DNAH8: variants seen among roughly 807,000 people sequenced by gnomAD.
DNAH8 encodes the protein dynein axonemal heavy chain 8.
A neutral mutation model predicts 562.1 loss-of-function variants in DNAH8; 382 were observed. The ratio of observed to expected loss-of-function variants is 0.68; its 90% confidence interval spans 0.63 to 0.74. DNAH8 has a LOEUF of 0.74. Ranked by LOEUF, DNAH8 falls within the 30% of genes least tolerant of loss-of-function variation. The pLI, the probability that DNAH8 is intolerant of heterozygous loss-of-function variation, is 0.00. For missense variants in DNAH8, 5,203 were observed against 5,620.4 expected (o/e 0.93, Z 2.37); for synonymous variants, 1,881 against 1,919.4 (o/e 0.98, Z 0.52).
intron 21 of DNAH8, among the ~76,000 whole-genome samples, chr6:38,796,656 C>T (rs906581330): frequency 6.6e-6 from 1 of 152,158 alleles, no homozygotes; most frequent in Admixed American, 6.5e-5. Context: ...TGTTCTGTTT[C>T]GTTCTGATTA....
chr6:39,012,117 C>A, intron 89 of DNAH8, 98 bp from the exon 90 acceptor site: 2 of 861,982 alleles, frequency 2.3e-6, no homozygotes, highest in Non-Finnish European at 3.5e-6. Context: ...GGTAGAGATA[C>A]ATCTAGAGGA....
intron 3 of DNAH8, 59 bp downstream of exon 3, chr6:38,723,530 GA>G: frequency 6.5e-7 from 1 of 1,541,920 alleles, no homozygotes; most frequent in Non-Finnish European, 8.7e-7. Context: ...ATTAACTTAA[GA>G]AAATAGAGTT....
chr6:39,011,580 C>T (rs1442101923), intron 89 of DNAH8, among the ~76,000 whole-genome samples: 1 of 152,210 alleles, frequency 6.6e-6, no homozygotes, highest in East Asian at 1.9e-4. Context: ...ATTGTTCCCA[C>T]AACCAGAGGC....
chr6:38,924,143 T>G lies in DNAH8; in HGVS notation c.10943T>G (p.Met3648Arg), dbSNP rs201019340. Reference sequence around the variant, plus strand: ...ACAGAAAACCTGAATCTTATTTCAATGTTGGTGGATCCTCCAACTGTAAGT... The same window carrying G: ...ACAGAAAACCTGAATCTTATTTCAAGGTTGGTGGATCCTCCAACTGTAAGT... ...PFTENLNLISMLVDPPTIGEW... is the reference protein window; with the variant it reads ...PFTENLNLISRLVDPPTIGEW... Residue 3648 changes from methionine (M) to arginine (R), a missense_variant, in exon 73 of 93, where the codon ATG (methionine) becomes AGG (arginine). This residue lies in a region of DNAH8 where 1,399 missense variants were observed against 1,518.4 expected (regional missense o/e 0.92). Transcript: ENST00000327475. 5 of 1,613,886 alleles carry G rather than the reference T, an allele frequency of 3.1e-6. No individual in the cohort carries two copies. The highest frequency in any genetic ancestry group is 4.2e-6 in the Non-Finnish European group (5 of 1,179,846).
intron 80 of DNAH8, among the ~76,000 whole-genome samples, chr6:38,948,842 T>A (rs932946640): frequency 2.6e-5 from 4 of 152,208 alleles, no homozygotes; most frequent in African/African-American, 7.2e-5. Context: ...GAGAGACTCC[T>A]TTCGTTATTA....
chr6:38,894,926 T>C (rs1234654988), intron 59 of DNAH8, 62 bp downstream of exon 59: 18 of 1,436,478 alleles, frequency 1.3e-5, no homozygotes, highest in Non-Finnish European at 1.5e-5. Context: ...ACTTGGTTAA[T>C]TTTTTTTATT....
intron 4 of DNAH8, among the ~76,000 whole-genome samples, chr6:38,731,098 C>A (rs1284986866): frequency 2.0e-5 from 3 of 152,130 alleles, no homozygotes. Flanking sequence ...TATGTAAACT[C>A]GCAAATAGTG....
At chr6:38,788,793 A>G (rs1769428270) in intron 18 of DNAH8, among the ~76,000 whole-genome samples, 1 of 152,112 alleles carries the variant, frequency 6.6e-6, no homozygotes, top group Admixed American at 6.6e-5. Context: ...CTGAAGTCCA[A>G]TTTATCTACT....
intron 87 of DNAH8, among the ~76,000 whole-genome samples, chr6:38,988,295 G>A (rs1299843708): frequency 6.6e-6 from 1 of 152,158 alleles, no homozygotes; most frequent in Non-Finnish European, 1.5e-5. Context: ...CCCCCAAATA[G>A]CCTCCAAATT....
At chr6:38,887,833 C>CTTTT (rs538279493) in intron 57 of DNAH8, among the ~76,000 whole-genome samples, 3 of 120,868 alleles carry the variant, frequency 2.5e-5, no homozygotes, top group African/African-American at 6.1e-5. Context: ...AAAGGGCAGA[C>CTTTT]TTTTTTTTTT....
rs547887487 is a variant in DNAH8 at position 38,838,090 on chromosome 6, A to G, written c.4466+48A>G. ...TATTACATGCAAATAATTAAATACT[A>G]TCTATTAGAAGAATCATGTCACCAT... is the stretch of plus-strand genomic sequence containing the variant. On this transcript the variant is annotated intron_variant, in intron 33 of 92. Coordinates refer to ENST00000327475, the MANE Select transcript of DNAH8 (RefSeq NM_001206927.2). The G allele has an allele frequency of 1.1e-4, 126 of 1,179,430 alleles. No homozygotes were observed. The South Asian group carries it at 1.5e-3, about 14-fold the overall frequency. 73.1% of individuals were successfully genotyped at this position (1,179,430 alleles called of 1,614,324 possible). A position where few individuals can be genotyped will look rare whatever the true frequency, so the allele number is the denominator to read the frequency against.
chr6:38,831,430 C>CAAAAAA (rs67322321), intron 30 of DNAH8, among the ~76,000 whole-genome samples: 221 of 88,864 alleles, frequency 2.5e-3, no homozygotes, highest in Non-Finnish European at 2.8e-3. Context: ...GACACCATCT[C>CAAAAAA]AAAAAAAAAA....
At chr6:38,755,795 T>A (rs1043517941) in intron 9 of DNAH8, among the ~76,000 whole-genome samples, 177 bp from the exon 10 acceptor site, 3 of 152,202 alleles carry the variant, frequency 2.0e-5, no homozygotes, top group African/African-American at 7.2e-5. Flanking sequence ...AAAACTAATG[T>A]CCTGTTATCT....
chr6:38,958,646 CAAAAA>C (rs35382684), intron 82 of DNAH8, among the ~76,000 whole-genome samples: 9 of 58,890 alleles, frequency 1.5e-4, no homozygotes, highest in East Asian at 9.9e-4. Context: ...AGTCTCCCAT[CAAAAA>C]AAAAAAAAAA....
At chr6:38,815,688 C>G in intron 26 of DNAH8, 31 bp downstream of exon 26, 1 of 1,567,020 alleles carries the variant, frequency 6.4e-7, no homozygotes, top group South Asian at 1.2e-5. Flanking sequence ...AATGATCTTA[C>G]TGATCCTTTT....
At chr6:38,792,422 T>C (rs67438253) in intron 21 of DNAH8, among the ~76,000 whole-genome samples, 31,065 of 152,076 alleles carry the variant, frequency 0.2, 3,552 homozygotes, top group Middle Eastern at 0.24. Context: ...TGCTTGAGTT[T>C]CAGCCTGTTC....
chr6:38,973,966 G>T (rs1257539349), intron 84 of DNAH8, among the ~76,000 whole-genome samples, 153 bp downstream of exon 84: 1 of 152,132 alleles, frequency 6.6e-6, no homozygotes, highest in Admixed American at 6.6e-5. Context: ...TCAAAATCTT[G>T]ACATCAAGGT....
intron 86 of DNAH8, 51 bp from the exon 87 acceptor site, chr6:38,984,155 A>G: frequency 9.3e-7 from 1 of 1,074,934 alleles, no homozygotes; most frequent in Non-Finnish European, 1.4e-6. Context: ...AAATGTTTAT[A>G]ATGATGTGTT....
intron 41 of DNAH8, among the ~76,000 whole-genome samples, chr6:38,857,144 G>A (rs1177935852): frequency 6.6e-6 from 1 of 152,196 alleles, no homozygotes; most frequent in Non-Finnish European, 1.5e-5. Context: ...GAAGAGCAGA[G>A]AGACCTTTGG....
Sources: gnomAD v4.1 joint callset for allele counts (sites outside exome capture counted in the v4.1 genomes callset) on GRCh38, gnomAD v4.1.1 for gene constraint, gnomAD v4.1.1 regional missense constraint, MANE v1.5 for transcripts, NCBI Gene and HGNC (gene_info 2026-07-23, HGNC 2026-07-21) for gene names.